The following DGKB variants were observed in gnomAD, a reference collection of about 807,000 sequenced individuals.
The protein encoded by DGKB is 90 kDa diacylglycerol kinase.
In DGKB, 67 loss-of-function variants were observed where a neutral mutation model predicts 114.3. The ratio of observed to expected loss-of-function variants is 0.59; its 90% CI spans 0.48 to 0.72. DGKB has a LOEUF of 0.72. Among genes scored for constraint, DGKB ranks in the 30% least tolerant of loss-of-function variants. The pLI is 0.00. For missense variants in DGKB, 907 were observed against 975.2 expected, an observed-to-expected ratio of 0.93 and a Z score of 0.93; for synonymous variants, 398 against 323.1, an observed-to-expected ratio of 1.23 and a Z score of -2.49.
intron 25 of DGKB, chr7:14,176,498 A>C (rs1781756398): frequency 9.9e-7 from 1 of 1,011,828 alleles, no homozygotes; most frequent in Admixed American, 5.8e-5. Context: ...TATTCTAATA[A>C]TGTGCTCTGA....
At chr7:14,400,344 G>A (rs556180354) in intron 21 of DGKB, among the ~76,000 whole-genome samples, 2 of 151,816 alleles carry the variant, frequency 1.3e-5, no homozygotes, top group South Asian at 2.1e-4. Flanking sequence ...ATAAAAATTC[G>A]AGTATTTCAG....
At chr7:14,443,923 G>A (rs149472661) in intron 21 of DGKB, among the ~76,000 whole-genome samples, 142 of 151,532 alleles carry the variant, frequency 9.4e-4, no homozygotes, top group Middle Eastern at 7.0e-3. Flanking sequence ...CTAATCGCAT[G>A]CTTCTCTACT....
intron 1 of DGKB, among the ~76,000 whole-genome samples, chr7:14,917,831 A>G (rs1008907344): frequency 6.6e-6 from 1 of 152,044 alleles, no homozygotes; most frequent in African/African-American, 2.4e-5. Context: ...ACTATAGACA[A>G]TTATATATCA....
intron 6 of DGKB, among the ~76,000 whole-genome samples, chr7:14,711,725 C>A (rs183127341): frequency 6.6e-6 from 1 of 152,050 alleles, no homozygotes; most frequent in Non-Finnish European, 1.5e-5. Flanking sequence ...ATTATCTTCA[C>A]AGGATGATCT....
intron 2 of DGKB, among the ~76,000 whole-genome samples, chr7:14,829,319 C>T (rs775878958): frequency 1.3e-5 from 2 of 152,098 alleles, no homozygotes; most frequent in Non-Finnish European, 2.9e-5. Flanking sequence ...TTTGTGCCTA[C>T]TTGTATAATC....
At position 14,685,980 on chromosome 7, in the gene DGKB, A is replaced by G. The variant is rs76261591; in HGVS notation, c.712-618T>C. On this transcript the variant is annotated intron_variant, in intron 9 of 25. Transcript: ENST00000402815. ...GAGTATGCCACAAATAGTATATTTT[A>G]AAAGGCAAACTTTTTAAAGGATTTC... Among the ~76,000 whole-genome samples the G allele has an allele frequency of 2.1e-3, 316 of 152,304 alleles. 1 individual carries two copies. Among genetic ancestry groups the G allele is most frequent in the Non-Finnish European group, 3.4e-3 (232 of 68,026 alleles).
intron 1 of DGKB, among the ~76,000 whole-genome samples, chr7:14,959,718 G>A (rs558043126): frequency 4.7e-4 from 71 of 151,186 alleles, no homozygotes; most frequent in Non-Finnish European, 1.0e-3. Context: ...TATCTGTGGG[G>A]AGAAGTGAGT....
At chr7:14,904,773 CATTAAATA>C (rs1235282967), upstream of DGKB, among the ~76,000 whole-genome samples, 3 of 152,012 alleles carry the variant, frequency 2.0e-5, no homozygotes, top group Non-Finnish European at 4.4e-5. Flanking sequence ...GTTGTCTGTC[CATTAAATA>C]ATTATTGTAT....
In DGKB at chr7:14,892,814, T is replaced by C. The variant is rs532149374; in HGVS notation, c.-188+9778A>G. On this transcript the variant is annotated intron_variant, in intron 1 of 25. Transcript: ENST00000402815. ...ATTCTTTCTTTTCTCTGCTTTTTCT[T>C]TATAGGCAGTGTACATTCTGGTCAA... 2.6e-5 allele frequency among the ~76,000 whole-genome samples: 4 copies of C among 150,996 alleles called. No homozygotes were observed. In the East Asian group the frequency reaches 7.8e-4, roughly 30 times the overall value.
At chr7:14,885,763 A>G (rs1407995315) in intron 1 of DGKB, among the ~76,000 whole-genome samples, 1 of 151,928 alleles carries the variant, frequency 6.6e-6, no homozygotes, top group Non-Finnish European at 1.5e-5. Flanking sequence ...TATTAATCCC[A>G]TTTGAAAAAC....
chr7:14,529,774 C>T (rs1791258070), intron 20 of DGKB, among the ~76,000 whole-genome samples: 1 of 151,692 alleles, frequency 6.6e-6, no homozygotes. Flanking sequence ...ACAAAATACA[C>T]TTTTGAGTAT....
At chr7:14,689,691 T>C (rs1343879673) in intron 9 of DGKB, among the ~76,000 whole-genome samples, 2 of 152,176 alleles carry the variant, frequency 1.3e-5, no homozygotes, top group Non-Finnish European at 2.9e-5. Flanking sequence ...ATCTCAAGAA[T>C]TTTTGCATTC....
At chr7:14,339,873 TTCA>T (rs1265220070) in intron 22 of DGKB, among the ~76,000 whole-genome samples, 1 of 151,896 alleles carries the variant, frequency 6.6e-6, no homozygotes, top group African/African-American at 2.4e-5. Context: ...TGACACTAAC[TTCA>T]TCATTTCTCA....
At chr7:14,358,248 T>C (rs951959272) in intron 21 of DGKB, among the ~76,000 whole-genome samples, 8 of 152,202 alleles carry the variant, frequency 5.3e-5, no homozygotes, top group Non-Finnish European at 1.2e-4. Flanking sequence ...GTAGATTTGG[T>C]CTTTTCACAT....
chr7:14,577,281 C>A (rs564818658), intron 19 of DGKB, among the ~76,000 whole-genome samples: 71 of 152,050 alleles, frequency 4.7e-4, no homozygotes, highest in African/African-American at 1.7e-3. Flanking sequence ...GAAATTTTTG[C>A]AAATGAAAAT....
At chr7:14,724,113 A>G (rs1391088463) in intron 5 of DGKB, among the ~76,000 whole-genome samples, 1 of 152,218 alleles carries the variant, frequency 6.6e-6, no homozygotes, top group African/African-American at 2.4e-5. Context: ...TTCTAAATTT[A>G]TAAGGCAATA....
intron 4 of DGKB, among the ~76,000 whole-genome samples, chr7:14,741,357 G>A (rs1353426356): frequency 1.3e-5 from 2 of 152,180 alleles, no homozygotes; most frequent in Non-Finnish European, 1.5e-5. Context: ...AAGTATTTAT[G>A]AGGTTGGTCT....
At chr7:14,455,150 A>T (rs1456626616) in intron 21 of DGKB, among the ~76,000 whole-genome samples, 1 of 152,058 alleles carries the variant, frequency 6.6e-6, no homozygotes, top group Non-Finnish European at 1.5e-5. Flanking sequence ...CTTTATGACA[A>T]CCAGGAAAAC....
intron 13 of DGKB, among the ~76,000 whole-genome samples, chr7:14,663,344 A>T (rs1817486233): frequency 6.6e-6 from 1 of 151,980 alleles, no homozygotes; most frequent in Non-Finnish European, 1.5e-5. Context: ...TGGTTTATCA[A>T]TAGACTTAGT....
Sources: gnomAD v4.1 joint callset for allele counts (sites outside exome capture counted in the v4.1 genomes callset) on GRCh38, gnomAD v4.1.1 for gene constraint, MANE v1.5 for transcripts, NCBI Gene and HGNC (gene_info 2026-07-23, HGNC 2026-07-21) for gene names.